MYO18B: variants seen among roughly 807,000 people sequenced by gnomAD.
MYO18B encodes myosin XVIIIB, also known as unconventional myosin-XVIIIb.
In MYO18B, 204 loss-of-function variants were observed where a neutral mutation model predicts 273.0. The observed-to-expected ratio is 0.75, with a 90% CI of 0.67 to 0.84. The LOEUF (loss-of-function observed/expected upper bound fraction) is 0.84. MYO18B is among the 40% of genes least tolerant of loss of function. The pLI, the probability that MYO18B is intolerant of heterozygous loss-of-function variation, is 0.00. For missense variants in MYO18B, 3,212 were observed against 3,287.6 expected (o/e 0.98, Z 0.56); for synonymous variants, 1,330 against 1,305.7 (o/e 1.02, Z -0.40).
At chr22:26,044,243 AT>A in the MYO18B span, among the ~76,000 whole-genome samples, 5 of 152,154 alleles carry the variant, frequency 3.3e-5, no homozygotes. Flanking sequence ...TGTCAGAGAT[AT>A]GTTTTGCAAT....
rs67095758 is a variant in MYO18B at position 25,989,767 on chromosome 22, CAA to C, written c.6157-2576_6157-2575del. On this transcript the variant is annotated intron_variant, in intron 39 of 43. Transcript: ENST00000335473. Reference sequence around the variant, plus strand: ...AAGCCGAGATAGTGAGACTCCGTCTCAAAAAAAAAAAAAAAAAAAAAGAGTGG... The same window carrying C: ...AAGCCGAGATAGTGAGACTCCGTCTCAAAAAAAAAAAAAAAAAAAGAGTGG... Among the ~76,000 whole-genome samples, 194 of 80,392 alleles carry C rather than the reference CAA, an allele frequency of 2.4e-3. 1 individual carries two copies. The highest frequency in any genetic ancestry group is 4.1e-3 in the African/African-American group (80 of 19,568). The allele number at this position is 80,392 out of a possible 152,430, so 52.7% of individuals were successfully genotyped here.
intron 39 of MYO18B, among the ~76,000 whole-genome samples, chr22:25,976,110 G>C (rs1385327129): frequency 2.0e-5 from 3 of 152,138 alleles, no homozygotes; most frequent in African/African-American, 2.4e-5. Flanking sequence ...AACTTGGGTG[G>C]GAGGTGCTGC....
At chr22:25,810,726 G>A (rs1210205240) in intron 12 of MYO18B, among the ~76,000 whole-genome samples, 1 of 152,092 alleles carries the variant, frequency 6.6e-6, no homozygotes, top group African/African-American at 2.4e-5. Flanking sequence ...GTGACCCACC[G>A]TGCTTGGCCG....
At chr22:25,943,711 C>CTT (rs59256754) in intron 34 of MYO18B, among the ~76,000 whole-genome samples, 17 of 79,574 alleles carry the variant, frequency 2.1e-4, no homozygotes, top group East Asian at 1.1e-3. Context: ...TCTTTCTTTC[C>CTT]TTTTTTTTTT....
chr22:25,776,459 A>G (rs1051422118), intron 7 of MYO18B, among the ~76,000 whole-genome samples: 4 of 152,200 alleles, frequency 2.6e-5, no homozygotes, highest in African/African-American at 2.4e-5. Flanking sequence ...TTAGCCAGGC[A>G]TGGTGGTGCA....
At chr22:26,050,745 T>G in the MYO18B span, among the ~76,000 whole-genome samples, 2 of 152,206 alleles carry the variant, frequency 1.3e-5, no homozygotes, top group Admixed American at 1.3e-4. Context: ...CCCCAGGTAT[T>G]TAGATGAATT....
chr22:26,019,172 A>T (rs1035703137), intron 42 of MYO18B, among the ~76,000 whole-genome samples: 2 of 152,116 alleles, frequency 1.3e-5, no homozygotes, highest in African/African-American at 2.4e-5. Flanking sequence ...TGCTGAAAAC[A>T]TTATAGGTAG....
intron 12 of MYO18B, among the ~76,000 whole-genome samples, chr22:25,815,314 G>C (rs561067261): frequency 2.0e-5 from 3 of 152,188 alleles, no homozygotes; most frequent in African/African-American, 4.8e-5. Context: ...CAGGCAAGTC[G>C]TGCATAGACT....
At chr22:25,944,079 C>G (rs989019502) in intron 34 of MYO18B, among the ~76,000 whole-genome samples, 1 of 152,112 alleles carries the variant, frequency 6.6e-6, no homozygotes, top group African/African-American at 2.4e-5. Flanking sequence ...AGTCCTCTGA[C>G]TTCTCAAAAG....
chr22:26,008,005 A>G (rs748455546), intron 42 of MYO18B, among the ~76,000 whole-genome samples: 1 of 152,212 alleles, frequency 6.6e-6, no homozygotes, highest in Non-Finnish European at 1.5e-5. Context: ...TAGCAAATAT[A>G]TAGCATATTT....
intron 25 of MYO18B, among the ~76,000 whole-genome samples, chr22:25,888,952 G>A (rs756324288): frequency 2.6e-5 from 4 of 151,896 alleles, no homozygotes; most frequent in Admixed American, 6.6e-5. Context: ...TTTGAAAGAT[G>A]TTTTGTTTTC....
At chr22:25,859,080 C>A (rs188342851) in intron 21 of MYO18B, among the ~76,000 whole-genome samples, 1 of 152,032 alleles carries the variant, frequency 6.6e-6, no homozygotes, top group Non-Finnish European at 1.5e-5. Context: ...TTCATATACA[C>A]AGAGTAAATA....
chr22:25,828,466 G>A (rs534621221), intron 14 of MYO18B, among the ~76,000 whole-genome samples: 1 of 152,138 alleles, frequency 6.6e-6, no homozygotes, highest in African/African-American at 2.4e-5. Flanking sequence ...GGAGGGCCTA[G>A]GCTTCATATG....
chr22:26,057,272 T>G, the MYO18B span, among the ~76,000 whole-genome samples: 1 of 152,270 alleles, frequency 6.6e-6, no homozygotes, highest in Admixed American at 6.5e-5. Context: ...GAATGATCAC[T>G]CAGTTAATAT....
At chr22:25,757,545 C>T (rs923080602) in intron 1 of MYO18B, among the ~76,000 whole-genome samples, 6 of 151,832 alleles carry the variant, frequency 4.0e-5, no homozygotes, top group African/African-American at 1.5e-4. Flanking sequence ...CGAGACCGTG[C>T]CATTATACTC....
chr22:26,041,448 CT>C, the MYO18B span, among the ~76,000 whole-genome samples: 10 of 151,512 alleles, frequency 6.6e-5, no homozygotes, highest in African/African-American at 2.4e-4. Context: ...AGGAGAATTG[CT>C]TGAACCCAGG....
At position 25,770,100 on chromosome 22, in the gene MYO18B, T is replaced by A; in HGVS notation, c.1513-10T>A. 1 of 1,613,780 alleles carries A rather than the reference T, an allele frequency of 6.2e-7. No homozygotes were observed. Among genetic ancestry groups the A allele is most frequent in the Admixed American group, 1.7e-5 (1 of 60,018 alleles). The stretch of plus-strand genomic sequence containing the variant: ...TTTGCTGGTTTAATTTACGTGATGT[T>A]GGTTCTCAGGCTCCTGAGGACAGAT... On this transcript the variant is annotated splice_polypyrimidine_tract_variant and intron_variant, in intron 4 of 43. Coordinates refer to ENST00000335473, the MANE Select transcript of MYO18B (RefSeq NM_032608.7).
chr22:25,946,378 A>G (rs1046962147), intron 35 of MYO18B, 128 bp downstream of exon 35: 39 of 581,710 alleles, frequency 6.7e-5, no homozygotes, highest in Non-Finnish European at 1.1e-4. Flanking sequence ...ACCAGGTAGC[A>G]CCTTGGAGGT....
At chr22:25,993,208 G>C (rs1284167505) in intron 40 of MYO18B, among the ~76,000 whole-genome samples, 1 of 152,008 alleles carries the variant, frequency 6.6e-6, no homozygotes, top group Non-Finnish European at 1.5e-5. Flanking sequence ...ATCCCAGCTG[G>C]GCACATGGGT....
Sources: gnomAD v4.1 joint callset for allele counts (sites outside exome capture counted in the v4.1 genomes callset) on GRCh38, gnomAD v4.1.1 for gene constraint, MANE v1.5 for transcripts, NCBI Gene and HGNC (gene_info 2026-07-23, HGNC 2026-07-21) for gene names.